Variants in FIP1L1 observed in about 807,000 individuals in gnomAD.
The protein encoded by FIP1L1 is factor interacting with PAPOLA and CPSF1.
Under a neutral mutation model 84.6 loss-of-function variants are expected in FIP1L1, and 21 were observed. The observed-to-expected ratio is 0.25, with a 90% confidence interval of 0.18 to 0.36. FIP1L1 has a LOEUF of 0.36. Among genes scored for constraint, FIP1L1 ranks in the 10% least tolerant of loss-of-function variants. The probability of loss-of-function intolerance (pLI) is 1.00; values close to 1 mark genes in which losing one functional copy is unlikely to be tolerated. For synonymous variants in FIP1L1, 263 were observed against 242.3 expected (o/e 1.09, Z -0.80); for missense variants, 526 against 751.1 (o/e 0.70, Z 3.50).
chr4:53,410,431 C>G (rs530751188), intron 10 of FIP1L1, among the ~76,000 whole-genome samples: 1 of 152,198 alleles, frequency 6.6e-6, no homozygotes, highest in African/African-American at 2.4e-5. Flanking sequence ...CCAAGGTTCT[C>G]GTTTCCTTTG....
intron 5 of FIP1L1, among the ~76,000 whole-genome samples, chr4:53,385,526 A>G (rs1055738137): frequency 2.0e-5 from 3 of 152,138 alleles, no homozygotes; most frequent in African/African-American, 7.2e-5. Context: ...AGAAACTGTG[A>G]TTTATGGAGT....
At chr4:53,379,528 A>G (rs987553837) in intron 3 of FIP1L1, among the ~76,000 whole-genome samples, 5 of 152,228 alleles carry the variant, frequency 3.3e-5, no homozygotes, top group African/African-American at 4.8e-5. Flanking sequence ...GTTACTCTTA[A>G]GTGAATTCAG....
In FIP1L1 at chr4:53,444,179, C is replaced by T. The variant is rs536344982; in HGVS notation, c.1285+76C>T. 960 of 851,416 alleles carry T rather than the reference C, an allele frequency of 1.1e-3. 6 individuals are homozygous for T. The highest frequency in any genetic ancestry group is 2.7e-4 in the Non-Finnish European group (141 of 516,604). 52.7% of individuals were successfully genotyped at this position (851,416 alleles called of 1,614,324 possible). ...TTGAATATTTTTAAAGCAATAAAAA[C>T]GTGTTCATGGTTTAACATCTTACAG... On this transcript the variant is annotated intron_variant, in intron 15 of 17. Transcript: ENST00000337488.
chr4:53,410,471 A>G (rs899598098), intron 10 of FIP1L1, among the ~76,000 whole-genome samples: 1 of 152,188 alleles, frequency 6.6e-6, no homozygotes, highest in African/African-American at 2.4e-5. Flanking sequence ...ACTGCACTGT[A>G]TGCTCATTAG....
At chr4:53,433,402 T>G (rs563010097) in intron 13 of FIP1L1, among the ~76,000 whole-genome samples, 2 of 152,330 alleles carry the variant, frequency 1.3e-5, no homozygotes, top group East Asian at 1.9e-4. Flanking sequence ...GTGTCTGACT[T>G]ACTTTGTTTC....
At chr4:53,420,927 T>C (rs1762160108) in intron 11 of FIP1L1, among the ~76,000 whole-genome samples, 1 of 152,228 alleles carries the variant, frequency 6.6e-6, no homozygotes, top group South Asian at 2.1e-4. Flanking sequence ...GAACAAAATG[T>C]CTAGCAGTCT....
At chr4:53,445,581 A>G (rs1172837889) in intron 15 of FIP1L1, among the ~76,000 whole-genome samples, 1 of 152,200 alleles carries the variant, frequency 6.6e-6, no homozygotes, top group Non-Finnish European at 1.5e-5. Context: ...GACAAGATAA[A>G]GGAAAAGGGC....
intron 9 of FIP1L1, among the ~76,000 whole-genome samples, chr4:53,396,427 A>G (rs562485793): frequency 2.2e-4 from 33 of 151,946 alleles, no homozygotes; most frequent in Non-Finnish European, 3.1e-4. Context: ...CCCAAGATGG[A>G]GTCTTGCTCT....
intron 16 of FIP1L1, among the ~76,000 whole-genome samples, chr4:53,454,455 A>T (rs565048576): frequency 6.6e-6 from 1 of 152,178 alleles, no homozygotes; most frequent in Non-Finnish European, 1.5e-5. Flanking sequence ...TATACCGCAA[A>T]TTTTGAAAAT....
chr4:53,399,930 T>G, intron 10 of FIP1L1, 91 bp downstream of exon 10: 2 of 848,982 alleles, frequency 2.4e-6, no homozygotes, highest in South Asian at 4.3e-5. Flanking sequence ...CTCTGAATGT[T>G]TTACCAAAAA....
intron 13 of FIP1L1, among the ~76,000 whole-genome samples, chr4:53,433,805 AAAG>A (rs1426558439): frequency 6.6e-6 from 1 of 152,216 alleles, no homozygotes; most frequent in African/African-American, 2.4e-5. Context: ...TGCATTTTAG[AAAG>A]AAGTAGATTT....
intron 16 of FIP1L1, among the ~76,000 whole-genome samples, chr4:53,454,085 T>A (rs1717624102): frequency 6.6e-6 from 1 of 152,208 alleles, no homozygotes; most frequent in Non-Finnish European, 1.5e-5. Flanking sequence ...TTTAAGGAAA[T>A]TTTTCTTGTA....
At chr4:53,402,239 T>C (rs1750635810) in intron 10 of FIP1L1, among the ~76,000 whole-genome samples, 1 of 152,158 alleles carries the variant, frequency 6.6e-6, no homozygotes, top group African/African-American at 2.4e-5. Flanking sequence ...AAAATGAAGA[T>C]AAAAGACTTT....
chr4:53,426,565 T>A (rs546300858), intron 12 of FIP1L1, among the ~76,000 whole-genome samples: 334 of 152,182 alleles, frequency 2.2e-3, no homozygotes, highest in Non-Finnish European at 4.3e-3. Context: ...TGTATATAGG[T>A]TTACTGAATG....
intron 13 of FIP1L1, among the ~76,000 whole-genome samples, chr4:53,437,476 A>G (rs1391553492): frequency 6.6e-6 from 1 of 151,716 alleles, no homozygotes; most frequent in Non-Finnish European, 1.5e-5. Flanking sequence ...TTTAGTCTGT[A>G]CTAAATTGCT....
intron 9 of FIP1L1, among the ~76,000 whole-genome samples, chr4:53,392,423 AATTTT>A (rs764153798): frequency 1.3e-5 from 2 of 152,182 alleles, no homozygotes; most frequent in Non-Finnish European, 2.9e-5. Flanking sequence ...CTATATAGAT[AATTTT>A]ATTTTAATTT....
rs75411581 is a variant in FIP1L1 at position 53,413,011 on chromosome 4, G to A, written c.816-1604G>A. 6.6e-3 allele frequency among the ~76,000 whole-genome samples: 997 copies of A among 152,206 alleles called. 12 individuals carry two copies. Among genetic ancestry groups the A allele is most frequent in the African/African-American group, 0.023 (962 of 41,540 alleles). Reference sequence around the variant, plus strand: ...ATTCTTATTTTATGTGTGAGAAAGTGTGTATGTGTGACTTACAAATGTAGC... The same window carrying A: ...ATTCTTATTTTATGTGTGAGAAAGTATGTATGTGTGACTTACAAATGTAGC... On this transcript the variant is annotated intron_variant, in intron 10 of 17. Transcript: ENST00000337488.
chr4:53,414,369 T>C (rs927232382), intron 10 of FIP1L1, among the ~76,000 whole-genome samples: 1 of 152,138 alleles, frequency 6.6e-6, no homozygotes, highest in African/African-American at 2.4e-5. Context: ...TTCTCATTTC[T>C]GCATTGACAT....
chr4:53,378,147 G>C (rs1030533055), intron 1 of FIP1L1: 1 of 426,050 alleles, frequency 2.3e-6, no homozygotes, highest in Admixed American at 4.4e-5. Flanking sequence ...GTGGCGGCCG[G>C]GCCGGGCTGG....
Sources: gnomAD v4.1 joint callset for allele counts (sites outside exome capture counted in the v4.1 genomes callset) on GRCh38, gnomAD v4.1.1 for gene constraint, MANE v1.5 for transcripts, NCBI Gene and HGNC (gene_info 2026-07-23, HGNC 2026-07-21) for gene names.